The following ARHGEF10 variants were observed in gnomAD, a reference collection of about 807,000 sequenced individuals.
ARHGEF10 encodes the protein Rho guanine nucleotide exchange factor 10.
A neutral mutation model predicts 147.4 loss-of-function variants in ARHGEF10; 140 were observed. That is an observed-to-expected ratio of 0.95 (90% confidence interval 0.83 to 1.09). The LOEUF is 1.09. Ranked by LOEUF, ARHGEF10 falls within the 50% of genes least tolerant of loss-of-function variation. The pLI is 0.00. For synonymous variants in ARHGEF10, 902 were observed against 695.8 expected (o/e 1.30, Z -4.67); for missense variants, 2,222 against 1,752.7 (o/e 1.27, Z -4.78).
rs758540863 is a variant in ARHGEF10, at chr8:1,858,117, T to C, written c.193+2T>C. ...CCAGTGAAGCCCCTGCACCCACAGG[T>C]GAGTTTCCAGGAGGGTCCCCAGGTG... On this transcript the variant is annotated splice_donor_variant, in intron 3 of 28. Transcript: ENST00000349830. LOFTEE classifies it high-confidence loss of function. 1 of 1,611,434 alleles carries C rather than the reference T, an allele frequency of 6.2e-7. No individual in the cohort carries two copies. The highest frequency in any genetic ancestry group is 8.5e-7 in the Non-Finnish European group (1 of 1,179,040).
intron 17 of ARHGEF10, 150 bp downstream of exon 17, chr8:1,905,866 A>G: frequency 1.1e-6 from 1 of 919,748 alleles, no homozygotes; most frequent in Non-Finnish European, 1.7e-6. Flanking sequence ...AACCCTTATA[A>G]TAAGCAAGCT....
chr8:1,954,842 C>T (rs1188689909), intron 28 of ARHGEF10, among the ~76,000 whole-genome samples: 1 of 152,270 alleles, frequency 6.6e-6, no homozygotes, highest in Non-Finnish European at 1.5e-5. Context: ...CTTTTTCTCT[C>T]AGCCTTGCTG....
intron 7 of ARHGEF10, chr8:1,870,838 C>T (rs1002936442): frequency 7.2e-5 from 11 of 152,198 alleles, no homozygotes; most frequent in African/African-American, 2.7e-4. Flanking sequence ...ACCGGCCAGG[C>T]ACGGTCGCTC....
chr8:1,941,003 C>T (rs1814046516), intron 26 of ARHGEF10, among the ~76,000 whole-genome samples: 1 of 152,206 alleles, frequency 6.6e-6, no homozygotes, highest in Admixed American at 6.5e-5. Flanking sequence ...ATAAAACACT[C>T]ACAGCTAACA....
chr8:1,920,563 A>G (rs1201594998), intron 18 of ARHGEF10, among the ~76,000 whole-genome samples: 1 of 151,480 alleles, frequency 6.6e-6, no homozygotes, highest in Admixed American at 6.6e-5. Flanking sequence ...CTTGGCCTTT[A>G]GCAGTCCTCT....
Position 1,923,782 on chromosome 8 carries a change from G to A in ARHGEF10, c.2396G>A (p.Arg799Gln), listed in dbSNP as rs760234206. 1.2e-5 allele frequency: 19 copies of A among 1,613,986 alleles called. No homozygotes were observed. Among genetic ancestry groups the A allele is most frequent in the Middle Eastern group, 3.3e-4 (2 of 6,084 alleles). Residue 799 changes from arginine to glutamine, a missense_variant, in exon 21 of 29, where the codon CGA (arginine) becomes CAA (glutamine). Transcript: ENST00000349830. The stretch of plus-strand genomic sequence containing the variant: ...TCTGTTGTTTCTGGCAGATCTGGGC[G>A]ACCGACGTTCTTTACAGCTGTGTTC... ...QLPGKQDKSGRPTFFTAVFNT... is the reference protein window; with the variant it reads ...QLPGKQDKSGQPTFFTAVFNT...
intron 6 of ARHGEF10, among the ~76,000 whole-genome samples, chr8:1,867,424 C>T (rs1806719483): frequency 6.6e-6 from 1 of 152,196 alleles, no homozygotes; most frequent in Non-Finnish European, 1.5e-5. Context: ...TATAATCTCA[C>T]TCCTTGAAAT....
At chr8:1,888,251 C>T (rs73671027) in intron 11 of ARHGEF10, among the ~76,000 whole-genome samples, 2,429 of 61,810 alleles carry the variant, frequency 0.039, 529 homozygotes, top group African/African-American at 0.19. Flanking sequence ...GTGAGGGTTG[C>T]GAGGAGATGC....
intron 2 of ARHGEF10, among the ~76,000 whole-genome samples, chr8:1,854,033 G>C (rs1226655742): frequency 6.6e-6 from 1 of 152,230 alleles, no homozygotes; most frequent in Middle Eastern, 3.2e-3. Flanking sequence ...AATTGAACCT[G>C]TCAGGGCTGG....
rs187076482 is a variant in ARHGEF10 at position 1,888,554 on chromosome 8, G to C, written c.1182+2847G>C. Among the ~76,000 whole-genome samples the C allele has an allele frequency of 3.1e-4, 44 of 140,750 alleles. 6 individuals carry two copies. Among genetic ancestry groups the C allele is most frequent in the African/African-American group, 1.3e-3 (44 of 34,272 alleles). The allele number at this position is 140,750 out of a possible 152,430, so 92.3% of individuals were successfully genotyped here. On this transcript the variant is annotated intron_variant, in intron 11 of 28. Transcript: ENST00000349830. ...TGTGAGGAGACGCTGAGTGGGGTGA[G>C]GTATGGGGAGACACTGAGTGGGGTG...
intron 18 of ARHGEF10, among the ~76,000 whole-genome samples, chr8:1,918,116 C>T (rs932461348): frequency 6.6e-5 from 10 of 152,158 alleles, no homozygotes; most frequent in Non-Finnish European, 1.2e-4. Flanking sequence ...CAATTTTGGC[C>T]TGAAAATCAA....
rs748161017 is a variant in ARHGEF10 at position 1,880,143 on chromosome 8, C to G, written c.939C>G (p.Leu313=). 13 of 1,613,500 alleles carry G rather than the reference C, an allele frequency of 8.1e-6. No homozygotes were observed. Among genetic ancestry groups the G allele is most frequent in the African/African-American group, 8.0e-5 (6 of 74,938 alleles). ...STVGVVEIQQ[L]RQKHELKMQK... Reference sequence around the variant, plus strand: ...TGGGCGTGGTGGAGATTCAGCAGCTCAGGCAGAAGCATGAACTGAAGGTAG... The same window carrying G: ...TGGGCGTGGTGGAGATTCAGCAGCTGAGGCAGAAGCATGAACTGAAGGTAG... Residue 313 remains leucine (L), a synonymous_variant, in exon 9 of 29, where the codon CTC becomes CTG. Coordinates refer to ENST00000349830, the MANE Select transcript of ARHGEF10 (RefSeq NM_014629.4).
At chr8:1,908,759 TA>T (rs1245048081) in intron 17 of ARHGEF10, among the ~76,000 whole-genome samples, 1 of 151,534 alleles carries the variant, frequency 6.6e-6, no homozygotes, top group Non-Finnish European at 1.5e-5. Context: ...CTATTTATGA[TA>T]AAAGAAGAAA....
Position 1,833,338 on chromosome 8 carries a change from GCA to G in ARHGEF10, c.-48+9226_-48+9227del, listed in dbSNP as rs1563150269. Among the ~76,000 whole-genome samples, 150 of 90,850 alleles carry G rather than the reference GCA, an allele frequency of 1.7e-3. 1 individual carries two copies. The highest frequency in any genetic ancestry group is 6.4e-3 in the African/African-American group (144 of 22,372). The allele number at this position is 90,850 out of a possible 152,430, so 59.6% of individuals were successfully genotyped here. ...GAAGCAGAGGGAGACAGAGACAGAG[GCA>G]GAGACAGAGGCAGAGAGAGACAGAG... is the stretch of plus-strand genomic sequence containing the variant. On this transcript the variant is annotated intron_variant, in intron 1 of 28. Coordinates refer to ENST00000349830, the MANE Select transcript of ARHGEF10 (RefSeq NM_014629.4).
Position 1,891,098 on chromosome 8 carries a change from T to C in ARHGEF10, c.1183-2471T>C, listed in dbSNP as rs574679201. Among the ~76,000 whole-genome samples the C allele has an allele frequency of 1.1e-4, 17 of 152,334 alleles. No individual in the cohort carries two copies. The South Asian group carries it at 2.3e-3, about 20-fold the overall frequency. On this transcript the variant is annotated intron_variant, in intron 11 of 28. Coordinates refer to ENST00000349830, the MANE Select transcript of ARHGEF10 (RefSeq NM_014629.4). Reference sequence around the variant, plus strand: ...ACCGTAATGGTTCAGTGAAGTCCTGTATAGCAAGGTCTCTGTGTTGTGTTA... The same window carrying C: ...ACCGTAATGGTTCAGTGAAGTCCTGCATAGCAAGGTCTCTGTGTTGTGTTA...
intron 27 of ARHGEF10, among the ~76,000 whole-genome samples, chr8:1,946,370 C>T (rs1021955063): frequency 6.6e-6 from 1 of 152,216 alleles, no homozygotes; most frequent in African/African-American, 2.4e-5. Flanking sequence ...ACACACGCCA[C>T]AGACGGGCTG....
At chr8:1,864,301 G>C in intron 4 of ARHGEF10, 72 bp from the exon 5 acceptor site, 1 of 1,457,058 alleles carries the variant, frequency 6.9e-7, no homozygotes, top group Non-Finnish European at 9.6e-7. Context: ...CCATTTTTAA[G>C]GGTAAAAACA....
At chr8:1,868,375 C>T (rs1585324109) in intron 6 of ARHGEF10, among the ~76,000 whole-genome samples, 1 of 152,182 alleles carries the variant, frequency 6.6e-6, no homozygotes, top group African/African-American at 2.4e-5. Context: ...TTTGGACGTT[C>T]TCTTGCAGGG....
At position 1,957,067 on chromosome 8, in the gene ARHGEF10, C is replaced by G; in HGVS notation, c.3839C>G (p.Thr1280Ser). 1.2e-6 allele frequency: 2 copies of G among 1,613,754 alleles called. No individual in the cohort carries two copies. Among genetic ancestry groups the G allele is most frequent in the Non-Finnish European group, 1.7e-6 (2 of 1,180,026 alleles). ...SSLEHRSEDS[T>S]IYDLLKDPVS... ...CTAGAGCACAGATCAGAGGACAGCA[C>G]CATCTATGATCTCCTGAAGGATCCT... Residue 1280 changes from threonine (T) to serine (S), a missense_variant, in exon 29 of 29, where the codon ACC (threonine) becomes AGC (serine). Physicochemically the swap from Thr to Ser is moderately conservative, Grantham distance 58. Coordinates refer to ENST00000349830, the MANE Select transcript of ARHGEF10 (RefSeq NM_014629.4).
Sources: allele counts gnomAD v4.1 joint callset (sites outside exome capture counted in the v4.1 genomes callset), GRCh38; gene constraint gnomAD v4.1.1; transcripts MANE v1.5; gene names NCBI Gene and HGNC (gene_info 2026-07-23, HGNC 2026-07-21).